Variants in KLHL22 observed in about 807,000 individuals in gnomAD.
The protein encoded by KLHL22 is kelch like family member 22.
KLHL22 carries 18 observed loss-of-function variants against 60.7 expected under a neutral mutation model. That is an observed-to-expected ratio of 0.30 (90% CI 0.20 to 0.44). The LOEUF is 0.44. KLHL22 is among the 20% of genes least tolerant of loss of function. The probability of loss-of-function intolerance (pLI) is 1.00; values close to 1 mark genes in which losing one functional copy is unlikely to be tolerated. For missense variants in KLHL22, 596 were observed against 852.3 expected (o/e 0.70, Z 3.74); for synonymous variants, 355 against 354.5 (o/e 1.00, Z -0.01).
At position 20,446,494 on chromosome 22, in the gene KLHL22, A is replaced by G. The variant is rs34110805; in HGVS notation, c.1488T>C (p.Tyr496=). 5.8e-4 allele frequency: 929 copies of G among 1,612,998 alleles called. 7 individuals are homozygous for G. The African/African-American group carries it at 0.011, about 19-fold the overall frequency. The part of the protein sequence containing the change: ...HGMATLLNKL[Y]VIGGSNNDAG... The stretch of plus-strand genomic sequence containing the variant: ...CATCGTTGTTGCTGCCCCCGATCAC[A>G]TACAGCTTGTTGAGGAGGGTTGCCA... Residue 496 remains tyrosine, a synonymous_variant, in exon 6 of 7, where the codon TAT becomes TAC. Transcript: ENST00000328879.
chr22:20,467,190 G>T (rs2053248781), intron 3 of KLHL22, among the ~76,000 whole-genome samples: 2 of 152,214 alleles, frequency 1.3e-5, no homozygotes, highest in African/African-American at 4.8e-5. Context: ...GGTTCTCCCA[G>T]CAGGCTTGAA....
intron 3 of KLHL22, among the ~76,000 whole-genome samples, chr22:20,470,080 T>C (rs543415806): frequency 6.6e-6 from 1 of 152,206 alleles, no homozygotes; most frequent in East Asian, 1.9e-4. Context: ...GGCTCACACC[T>C]GTAATCCCAG....
chr22:20,484,697 G>A (rs1010536463), intron 2 of KLHL22, among the ~76,000 whole-genome samples: 4 of 151,126 alleles, frequency 2.6e-5, no homozygotes, highest in African/African-American at 9.7e-5. Context: ...CTTGCAAAAC[G>A]CTGGGATTAT....
In KLHL22 at chr22:20,471,276, C is replaced by T. The variant is rs2053322660; in HGVS notation, c.393+74G>A. 10 of 1,438,514 alleles carry T rather than the reference C, an allele frequency of 7.0e-6. No individual in the cohort carries two copies. The Admixed American group carries it at 9.4e-5, about 13-fold the overall frequency. The allele number at this position is 1,438,514 out of a possible 1,614,324, so 89.1% of individuals were successfully genotyped here. On this transcript the variant is annotated intron_variant, in intron 3 of 6. Transcript: ENST00000328879. ...CCATCTTCAAGCCAATGCTAGTGCC[C>T]GGCAGGCATCATGGGCATCTCAGGG...
chr22:20,446,400 T>C (rs1258217277), intron 6 of KLHL22, 43 bp downstream of exon 6: 1 of 1,083,458 alleles, frequency 9.2e-7, no homozygotes. Flanking sequence ...ACTGAGAGGC[T>C]TGGGAATGAT....
chr22:20,464,640 G>A (rs1201783535), intron 4 of KLHL22, among the ~76,000 whole-genome samples: 1 of 152,138 alleles, frequency 6.6e-6, no homozygotes, highest in East Asian at 1.9e-4. Flanking sequence ...GTGGGTTTCT[G>A]AGGAGTAGGG....
At chr22:20,471,596 G>A (rs2053327755) in intron 2 of KLHL22, 81 bp from the exon 3 acceptor site, 2 of 1,476,394 alleles carry the variant, frequency 1.4e-6, no homozygotes, top group South Asian at 1.3e-5. Flanking sequence ...AGCATTCAGA[G>A]AAGAACCTGG....
intron 2 of KLHL22, chr22:20,483,661 C>T (rs141176577): frequency 1.5e-5 from 11 of 726,956 alleles, no homozygotes; most frequent in African/African-American, 3.5e-5. Flanking sequence ...CAGAAAGATA[C>T]GGGCGTTGTC....
At chr22:20,466,103 C>A (rs1004886739) in intron 3 of KLHL22, among the ~76,000 whole-genome samples, 5 of 152,026 alleles carry the variant, frequency 3.3e-5, no homozygotes, top group African/African-American at 1.2e-4. Context: ...CGGCCGGGTG[C>A]GGTGGCTCAT....
At chr22:20,453,696 A>G (rs2053016038) in intron 5 of KLHL22, among the ~76,000 whole-genome samples, 1 of 152,202 alleles carries the variant, frequency 6.6e-6, no homozygotes, top group Non-Finnish European at 1.5e-5. Flanking sequence ...AAGTAAAATC[A>G]AATCAAAATT....
intron 2 of KLHL22, among the ~76,000 whole-genome samples, chr22:20,471,908 A>G (rs969338959): frequency 6.6e-6 from 1 of 152,224 alleles, no homozygotes; most frequent in African/African-American, 2.4e-5. Flanking sequence ...CATTTCATTC[A>G]ATGTATATTT....
At chr22:20,479,337 G>A (rs1247480897) in intron 2 of KLHL22, among the ~76,000 whole-genome samples, 1 of 152,072 alleles carries the variant, frequency 6.6e-6, no homozygotes, top group African/African-American at 2.4e-5. Context: ...GTTTTAAAAA[G>A]TTGTTCACAC....
At chr22:20,492,937 G>A (rs573850061) in intron 1 of KLHL22, among the ~76,000 whole-genome samples, 9 of 152,202 alleles carry the variant, frequency 5.9e-5, no homozygotes, top group Admixed American at 2.0e-4. Flanking sequence ...GGCTTCTTGA[G>A]GGGTGAGGTT....
intron 2 of KLHL22, chr22:20,483,413 C>T: frequency 1.2e-6 from 1 of 832,192 alleles, no homozygotes. Flanking sequence ...ACAGTCAACC[C>T]AGAGCTGGCA....
chr22:20,484,682 T>C (rs1438669982), intron 2 of KLHL22, among the ~76,000 whole-genome samples: 6 of 151,898 alleles, frequency 4.0e-5, no homozygotes, highest in Admixed American at 3.9e-4. Flanking sequence ...TCTGCCCACC[T>C]TGGCCTTGCA....
rs374601054 is a variant in KLHL22, at chr22:20,464,867, C to T, written c.1103G>A (p.Arg368Gln). Residue 368 changes from arginine (R) to glutamine (Q), a missense_variant, in exon 4 of 7, where the codon CGA (arginine) becomes CAA (glutamine). Coordinates refer to ENST00000328879, the MANE Select transcript of KLHL22 (RefSeq NM_032775.4). The stretch of plus-strand genomic sequence containing the variant: ...TAGCACCCTGTCCTACCTCCAGCAT[C>T]GGGACTCTGCTCGAAATCCTTGGAC... ...NNVQGFRAES[R>Q]CWRYDPRHNR... 3.9e-6 allele frequency: 6 copies of T among 1,532,498 alleles called. No individual in the cohort carries two copies. The African/African-American group carries it at 4.1e-5, about 11-fold the overall frequency. 94.9% of individuals were successfully genotyped at this position (1,532,498 alleles called of 1,614,324 possible).
At chr22:20,466,082 A>G (rs2053230285) in intron 3 of KLHL22, among the ~76,000 whole-genome samples, 1 of 152,098 alleles carries the variant, frequency 6.6e-6, no homozygotes, top group African/African-American at 2.4e-5. Flanking sequence ...CTTAGATCAA[A>G]AGTACTGGCT....
rs998133568 is a variant in KLHL22 at position 20,442,436 on chromosome 22, C to T, written c.1542G>A (p.Val514=). ...DAGYRRDVHQ[V]ACYSCTSGQW... is the part of the protein sequence containing the mutation. ...GTCCAGACGTGCAGCTGTAGCAGGC[C>T]ACCTGCAAAGCCAAGGCTAGAATAA... is the stretch of plus-strand genomic sequence containing the variant. The change falls in exon 7 of 7, where the codon GTG becomes GTA. Residue 514 remains valine (V), a splice_region_variant and synonymous_variant. Transcript: ENST00000328879. The T allele has an allele frequency of 6.3e-7, 1 of 1,585,054 alleles. No homozygotes were observed. The highest frequency in any genetic ancestry group is 8.6e-7 in the Non-Finnish European group (1 of 1,162,880).
chr22:20,446,461 G>A lies in KLHL22; in HGVS notation c.1521C>T (p.Tyr507=), dbSNP rs778216680. 2 of 1,608,854 alleles carry A rather than the reference G, an allele frequency of 1.2e-6. No homozygotes were observed. Among genetic ancestry groups the A allele is most frequent in the Admixed American group, 1.7e-5 (1 of 59,860 alleles). The stretch of plus-strand genomic sequence containing the variant: ...CACTCACCTGGTGCACGTCCCTCCT[G>A]TATCCGGCATCGTTGTTGCTGCCCC... ...VIGGSNNDAG[Y]RRDVHQVACY... Residue 507 remains tyrosine (Y), a synonymous_variant, in exon 6 of 7, where the codon TAC becomes TAT. Transcript: ENST00000328879.
Sources: gnomAD v4.1 joint callset for allele counts (sites outside exome capture counted in the v4.1 genomes callset) on GRCh38, gnomAD v4.1.1 for gene constraint, MANE v1.5 for transcripts, NCBI Gene and HGNC (gene_info 2026-07-23, HGNC 2026-07-21) for gene names.